ALX3: variants seen among roughly 807,000 people sequenced by gnomAD.
ALX3 encodes the protein ALX homeobox 3.
A neutral mutation model predicts 26.3 loss-of-function variants in ALX3; 17 were observed. That is an observed-to-expected ratio of 0.65 (90% CI 0.44 to 0.97). The LOEUF is 0.97. Ranked by LOEUF, ALX3 falls within the 50% of genes least tolerant of loss-of-function variation. The probability of loss-of-function intolerance (pLI) is 0.00; values close to 1 mark genes in which losing one functional copy is unlikely to be tolerated. For synonymous variants in ALX3, 208 were observed against 201.4 expected (o/e 1.03, Z -0.28); for missense variants, 461 against 466.5 (o/e 0.99, Z 0.11).
chr1:110,061,453 A>G lies in ALX3; in HGVS notation c.705T>C (p.Arg235=), dbSNP rs2101794748. The G allele has an allele frequency of 6.2e-7, 1 of 1,614,176 alleles. No homozygotes were observed. The highest frequency in any genetic ancestry group is 1.1e-5 in the South Asian group (1 of 91,078). The change falls in exon 3 of 4, where the codon CGT becomes CGC. Residue 235 remains arginine (R), a synonymous_variant. Transcript: ENST00000647563. The part of the protein sequence containing the change: ...TAAYDISVLP[R]TDSHPQLQNS... ...GTCTTACCTGAGGGTGGCTGTCAGT[A>G]CGGGGCAGCACAGAGATGTCATAGG...
chr1:110,065,944 C>T (rs978569417), intron 1 of ALX3, among the ~76,000 whole-genome samples: 5 of 152,246 alleles, frequency 3.3e-5, no homozygotes, highest in Non-Finnish European at 5.9e-5. Context: ...AATCCCTCCT[C>T]AACAGTCCAC....
intron 2 of ALX3, 152 bp from the exon 3 acceptor site, chr1:110,061,715 G>GCTTC: frequency 8.0e-7 from 1 of 1,244,032 alleles, no homozygotes; most frequent in Non-Finnish European, 1.1e-6. Flanking sequence ...TGTTCTCCAG[G>GCTTC]CCAGGGAAGC....
At chr1:110,069,367 TG>T (rs766944228) in intron 1 of ALX3, among the ~76,000 whole-genome samples, 2 of 152,174 alleles carry the variant, frequency 1.3e-5, no homozygotes, top group Non-Finnish European at 2.9e-5. Context: ...GATCCAGTTC[TG>T]GGCCTAGGCT....
chr1:110,061,417 G>T lies in ALX3; in HGVS notation c.723+18C>A. 1 of 1,614,224 alleles carries T rather than the reference G, an allele frequency of 6.2e-7. No individual in the cohort carries two copies. The highest frequency in any genetic ancestry group is 1.1e-5 in the South Asian group (1 of 91,082). ...GTGACCCTGCCAGGTCCTGGTTCAG[G>T]TAGGGCTGGGGTCTTACCTGAGGGT... On this transcript the variant is annotated intron_variant, in intron 3 of 3. Transcript: ENST00000647563.
chr1:110,070,156 C>A (rs1312560362), intron 1 of ALX3, among the ~76,000 whole-genome samples, 180 bp downstream of exon 1: 2 of 152,152 alleles, frequency 1.3e-5, no homozygotes, highest in Non-Finnish European at 2.9e-5. Flanking sequence ...CCACACTGGC[C>A]TTTGCCTGGC....
intron 1 of ALX3, among the ~76,000 whole-genome samples, chr1:110,069,908 C>T (rs1653877488): frequency 6.6e-6 from 1 of 152,172 alleles, no homozygotes; most frequent in South Asian, 2.1e-4. Context: ...TCAAAGGGCG[C>T]CAGACACAAA....
chr1:110,063,137 C>T lies in ALX3; in HGVS notation c.594+1450G>A, dbSNP rs1305425976. ...TAGGGGTGAGGGCCTCATGGCTACT[C>T]CTGCACCCTCTCAGGTTGAAAAGGC... On this transcript the variant is annotated intron_variant, in intron 2 of 3. Transcript: ENST00000647563. 2.0e-5 allele frequency among the ~76,000 whole-genome samples: 3 copies of T among 152,164 alleles called. No homozygotes were observed. In the South Asian group the frequency reaches 6.2e-4, roughly 32 times the overall value.
intron 1 of ALX3, among the ~76,000 whole-genome samples, chr1:110,069,519 G>A (rs920258811): frequency 7.9e-5 from 12 of 152,126 alleles, no homozygotes; most frequent in Non-Finnish European, 1.6e-4. Context: ...GGATGCCGGC[G>A]CGGTCCAGCC....
At position 110,070,633 on chromosome 1, in the gene ALX3, CCTCCGGGG is replaced by C; in HGVS notation, c.-29_-22del. On this transcript the variant is annotated 5_prime_UTR_variant, in exon 1 of 4. Coordinates refer to ENST00000647563, the MANE Select transcript of ALX3 (RefSeq NM_006492.3). ...TCCATGCCGGCTCAGGGCGCACAGG[CCTCCGGGG>C]CTCCGGGGCTCGCGCTGCCCGCGCC... The C allele has an allele frequency of 8.3e-7, 1 of 1,210,934 alleles. No individual in the cohort carries two copies. The highest frequency in any genetic ancestry group is 1.0e-6 in the Non-Finnish European group (1 of 975,484). The allele number at this position is 1,210,934 out of a possible 1,614,324, so 75.0% of individuals were successfully genotyped here.
Position 110,061,579 on chromosome 1 carries a change from G to C in ALX3, c.595-16C>G. On this transcript the variant is annotated splice_polypyrimidine_tract_variant and intron_variant, in intron 2 of 3. Transcript: ENST00000647563. ...GGAACCAGACCTGGGGGCAGGTTGT[G>C]GGGGTTTGAGGGGGTGATAGGGCAG... 1 of 1,613,940 alleles carries C rather than the reference G, an allele frequency of 6.2e-7. No homozygotes were observed. The highest frequency in any genetic ancestry group is 8.5e-7 in the Non-Finnish European group (1 of 1,180,018).
chr1:110,060,420 A>C lies in ALX3; in HGVS notation c.*313T>G. 4.7e-6 allele frequency: 1 copy of C among 213,380 alleles called. No homozygotes were observed. Among genetic ancestry groups the C allele is most frequent in the African/African-American group, 2.3e-5 (1 of 43,590 alleles). 13.2% of individuals were successfully genotyped at this position (213,380 alleles called of 1,614,324 possible). ...GAGCCAAGTAAGCTGTCTTAGCTGG[A>C]GAGATGACAATGGACTTGGACAAAG... On this transcript the variant is annotated 3_prime_UTR_variant, in exon 4 of 4. Coordinates refer to ENST00000647563, the MANE Select transcript of ALX3 (RefSeq NM_006492.3).
At chr1:110,063,055 C>A (rs1293345682) in intron 2 of ALX3, among the ~76,000 whole-genome samples, 17 of 152,172 alleles carry the variant, frequency 1.1e-4, no homozygotes, top group Non-Finnish European at 1.0e-4. Context: ...GTTTCACACC[C>A]CTGCCAGAGA....
intron 1 of ALX3, among the ~76,000 whole-genome samples, chr1:110,065,201 C>T (rs944348408): frequency 1.2e-4 from 18 of 152,104 alleles, no homozygotes; most frequent in Non-Finnish European, 2.4e-4. Flanking sequence ...TCCACAGGGA[C>T]GTGAGAGGAC....
intron 2 of ALX3, among the ~76,000 whole-genome samples, chr1:110,063,475 G>A (rs1653702909): frequency 6.6e-6 from 1 of 152,128 alleles, no homozygotes; most frequent in South Asian, 2.1e-4. Flanking sequence ...GGCCTTCTCT[G>A]TTAGATGACA....
Position 110,060,631 on chromosome 1 carries a change from C to T in ALX3, c.*102G>A. The T allele has an allele frequency of 2.8e-6, 1 of 355,946 alleles. No homozygotes were observed. The highest frequency in any genetic ancestry group is 1.8e-4 in the East Asian group (1 of 5,540). 22.0% of individuals were successfully genotyped at this position (355,946 alleles called of 1,614,324 possible). On this transcript the variant is annotated 3_prime_UTR_variant, in exon 4 of 4. Transcript: ENST00000647563. ...GGGCTGACAGTGCCAGCTGCTCTCG[C>T]AGCCTCCAGAACCATCTGGGGCTTG...
intron 1 of ALX3, among the ~76,000 whole-genome samples, chr1:110,066,745 CAA>C (rs1341255148): frequency 3.3e-5 from 5 of 152,076 alleles, no homozygotes; most frequent in Non-Finnish European, 7.4e-5. Context: ...GGCTGGGGTT[CAA>C]GAGTACTGAC....
chr1:110,066,328 GC>G (rs2101798173), intron 1 of ALX3, among the ~76,000 whole-genome samples: 1 of 152,324 alleles, frequency 6.6e-6, no homozygotes, highest in East Asian at 1.9e-4. Context: ...CTTGGACCAT[GC>G]CCAGCCTGTA....
At chr1:110,063,077 C>T (rs1246466358) in intron 2 of ALX3, among the ~76,000 whole-genome samples, 2 of 152,190 alleles carry the variant, frequency 1.3e-5, no homozygotes, top group African/African-American at 2.4e-5. Context: ...AACATTCCTA[C>T]TCCAGGGTCT....
chr1:110,070,536 G>C lies in ALX3; in HGVS notation c.77C>G (p.Pro26Arg). 7.7e-7 allele frequency: 1 copy of C among 1,294,530 alleles called. No individual in the cohort carries two copies. Among genetic ancestry groups the C allele is most frequent in the South Asian group, 2.2e-5 (1 of 44,510 alleles). The allele number at this position is 1,294,530 out of a possible 1,614,324, so 80.2% of individuals were successfully genotyped here. Reference protein sequence around the residue: ...GPYVASGDEPPGPQGTPAAAP... With the variant: ...GPYVASGDEPRGPQGTPAAAP... ...AGCGGCGGGGGTTCCCTGCGGGCCCGGAGGCTCGTCCCCCGAGGCCACATA... is the reference window on the plus strand; with the variant it reads ...AGCGGCGGGGGTTCCCTGCGGGCCCCGAGGCTCGTCCCCCGAGGCCACATA... Residue 26 changes from proline to arginine, a missense_variant, in exon 1 of 4, where the codon CCG becomes CGG. This residue lies in a region of ALX3 where 241 missense variants were observed against 206.1 expected (regional missense o/e 1.17). Transcript: ENST00000647563.
Sources: allele counts gnomAD v4.1 joint callset (sites outside exome capture counted in the v4.1 genomes callset), GRCh38; gene constraint gnomAD v4.1.1; regional missense constraint gnomAD v4.1.1; transcripts MANE v1.5; gene names NCBI Gene and HGNC (gene_info 2026-07-23, HGNC 2026-07-21).